The following DLG2 variants were observed in gnomAD, a reference collection of about 807,000 sequenced individuals.
The protein encoded by DLG2 is disks large homolog 2.
DLG2 carries 45 observed loss-of-function variants against 132.5 expected under a neutral mutation model. The observed-to-expected ratio is 0.34, with a 90% confidence interval of 0.27 to 0.44. DLG2 has a LOEUF of 0.44. Ranked by LOEUF, DLG2 falls within the 20% of genes least tolerant of loss-of-function variation. The pLI is 1.00. For synonymous variants in DLG2, 424 were observed against 419.6 expected (o/e 1.01, Z -0.13); for missense variants, 1,045 against 1,196.9 (o/e 0.87, Z 1.87).
At chr11:84,242,465 G>C (rs1335034299) in intron 8 of DLG2, among the ~76,000 whole-genome samples, 3 of 151,822 alleles carry the variant, frequency 2.0e-5, no homozygotes, top group Non-Finnish European at 4.4e-5. Context: ...GAGTGCAATG[G>C]CATGATCCCG....
At chr11:84,885,830 AATCATT>A (rs1228526961) in intron 6 of DLG2, among the ~76,000 whole-genome samples, 2 of 146,706 alleles carry the variant, frequency 1.4e-5, no homozygotes, top group East Asian at 3.9e-4. Flanking sequence ...AGGAATTTCA[AATCATT>A]ACCAGGGGAA....
At chr11:83,676,782 G>A (rs1257323289) in intron 18 of DLG2, among the ~76,000 whole-genome samples, 1 of 152,108 alleles carries the variant, frequency 6.6e-6, no homozygotes, top group African/African-American at 2.4e-5. Context: ...ATCTGTTACT[G>A]TCATGGCTGA....
chr11:85,310,825 C>T (rs2080267830), intron 3 of DLG2, among the ~76,000 whole-genome samples: 2 of 152,166 alleles, frequency 1.3e-5, no homozygotes, highest in Non-Finnish European at 2.9e-5. Context: ...CTACAACAAG[C>T]AAGCACTTCT....
intron 2 of DLG2, among the ~76,000 whole-genome samples, chr11:85,602,389 TTTTTTTC>T (rs1315000240): frequency 6.6e-6 from 1 of 151,880 alleles, no homozygotes; most frequent in Non-Finnish European, 1.5e-5. Context: ...TCTTTTCTCT[TTTTTTTC>T]TTTTTTCTTT....
At position 85,470,003 on chromosome 11, in the gene DLG2, A is replaced by G. The variant is rs532036907; in HGVS notation, c.40+128654T>C. Among the ~76,000 whole-genome samples, 4 of 152,236 alleles carry G rather than the reference A, an allele frequency of 2.6e-5. No homozygotes were observed. The East Asian group carries it at 7.7e-4, about 29-fold the overall frequency. On this transcript the variant is annotated intron_variant, in intron 3 of 27. Coordinates refer to ENST00000376104, the MANE Select transcript of DLG2 (RefSeq NM_001142699.3). The stretch of plus-strand genomic sequence containing the variant: ...CTACAAGGCTCTACAAGATCTGCCT[A>G]CCTTTCTACTTCCTCTTCATTCTTA...
chr11:83,655,159 C>T (rs2071968796), intron 18 of DLG2, among the ~76,000 whole-genome samples: 1 of 152,162 alleles, frequency 6.6e-6, no homozygotes, highest in Admixed American at 6.5e-5. Context: ...TGACTCATTA[C>T]TAAAGACTAG....
At chr11:83,513,556 G>T (rs945442273) in intron 21 of DLG2, among the ~76,000 whole-genome samples, 2 of 152,106 alleles carry the variant, frequency 1.3e-5, no homozygotes, top group Non-Finnish European at 2.9e-5. Context: ...GTCAATTTTG[G>T]CTTTTGTTGC....
chr11:85,365,379 A>G (rs1015455910), intron 3 of DLG2, among the ~76,000 whole-genome samples: 2 of 152,200 alleles, frequency 1.3e-5, no homozygotes, highest in African/African-American at 4.8e-5. Context: ...GCACACGTGT[A>G]AGTCTGGTAG....
chr11:84,335,416 T>G (rs1369440834), intron 7 of DLG2, among the ~76,000 whole-genome samples: 1 of 152,266 alleles, frequency 6.6e-6, no homozygotes, highest in Admixed American at 6.5e-5. Flanking sequence ...ATTTTGATAG[T>G]AAGGTCATGC....
chr11:84,912,173 G>A (rs777122369), intron 6 of DLG2, among the ~76,000 whole-genome samples: 3 of 148,748 alleles, frequency 2.0e-5, no homozygotes, highest in Non-Finnish European at 4.5e-5. Flanking sequence ...ATTTTAAGAC[G>A]GAGTCTCACT....
intron 19 of DLG2, among the ~76,000 whole-genome samples, chr11:83,620,194 T>G (rs1459911718): frequency 6.6e-6 from 1 of 152,170 alleles, no homozygotes; most frequent in Non-Finnish European, 1.5e-5. Flanking sequence ...CAATCTGGTT[T>G]GAAACAATGT....
chr11:85,219,896 C>A (rs2082901596), intron 4 of DLG2, among the ~76,000 whole-genome samples: 2 of 151,670 alleles, frequency 1.3e-5, no homozygotes, highest in South Asian at 4.2e-4. Flanking sequence ...AGTACTCAAG[C>A]AACCAACCCA....
chr11:83,894,619 G>A (rs944958514), intron 15 of DLG2, among the ~76,000 whole-genome samples: 2 of 151,936 alleles, frequency 1.3e-5, no homozygotes, highest in Non-Finnish European at 1.5e-5. Flanking sequence ...GATATCTATC[G>A]CCTCAACCAT....
At position 84,252,140 on chromosome 11, in the gene DLG2, C is replaced by CTTTTTTTTT. The variant is rs1176873990; in HGVS notation, c.520-858_520-850dup. On this transcript the variant is annotated intron_variant, in intron 7 of 27. Transcript: ENST00000376104. ...GCTGTATCCTGTATTTTCTTTCTTT[C>CTTTTTTTTT]TTTTTTTTTTTTTTTTTTTTTTTTT... 1.8e-3 allele frequency among the ~76,000 whole-genome samples: 115 copies of CTTTTTTTTT among 65,370 alleles called. 1 individual carries two copies. Among genetic ancestry groups the CTTTTTTTTT allele is most frequent in the African/African-American group, 3.4e-3 (50 of 14,560 alleles). The allele number at this position is 65,370 out of a possible 152,430, so 42.9% of individuals were successfully genotyped here.
intron 3 of DLG2, among the ~76,000 whole-genome samples, chr11:85,508,212 C>T (rs2093978934): frequency 6.6e-6 from 1 of 152,074 alleles, no homozygotes; most frequent in Admixed American, 6.6e-5. Context: ...CTTATGTCAA[C>T]TCGTCAAAGT....
chr11:83,640,916 G>C (rs2066321512), intron 18 of DLG2, among the ~76,000 whole-genome samples: 1 of 152,090 alleles, frequency 6.6e-6, no homozygotes, highest in Admixed American at 6.6e-5. Flanking sequence ...CAGTACCTTG[G>C]AATCAGAGTT....
chr11:84,910,890 T>C (rs2091994889), intron 6 of DLG2, among the ~76,000 whole-genome samples: 1 of 152,150 alleles, frequency 6.6e-6, no homozygotes, highest in Admixed American at 6.5e-5. Flanking sequence ...ATGCAAAGTG[T>C]ATTAAGTGTT....
intron 6 of DLG2, among the ~76,000 whole-genome samples, chr11:84,762,964 G>C (rs2067849176): frequency 6.6e-6 from 1 of 150,792 alleles, no homozygotes; most frequent in Admixed American, 6.6e-5. Flanking sequence ...TATCCAAATT[G>C]AAAAAAAAAT....
chr11:85,551,372 T>C (rs979180151), intron 3 of DLG2, among the ~76,000 whole-genome samples: 3 of 152,146 alleles, frequency 2.0e-5, no homozygotes, highest in Non-Finnish European at 4.4e-5. Flanking sequence ...ACTTTCTAAA[T>C]ATAATTTTTT....
Sources: gnomAD v4.1 joint callset for allele counts (sites outside exome capture counted in the v4.1 genomes callset) on GRCh38, gnomAD v4.1.1 for gene constraint, MANE v1.5 for transcripts, NCBI Gene and HGNC (gene_info 2026-07-23, HGNC 2026-07-21) for gene names.